Variants in AMPD2 observed in about 807,000 individuals in gnomAD.
The protein encoded by AMPD2 is AMP deaminase 2.
A neutral mutation model predicts 91.3 loss-of-function variants in AMPD2; 52 were observed. The ratio of observed to expected loss-of-function variants is 0.57; its 90% CI spans 0.46 to 0.72. The LOEUF (loss-of-function observed/expected upper bound fraction) is 0.72, where lower values mean the gene tolerates loss of function less well. Among genes scored for constraint, AMPD2 ranks in the 30% least tolerant of loss-of-function variants. AMPD2 has a pLI of 0.00. For missense variants in AMPD2, 822 were observed against 1,122.3 expected, an observed-to-expected ratio of 0.73 and a Z score of 3.82; for synonymous variants, 455 against 456.4, an observed-to-expected ratio of 1.00 and a Z score of 0.04.
rs1650592062 is a variant in AMPD2 at position 109,625,505 on chromosome 1, C to T, written c.222+72C>T. ...TGCCTCTGCTCCCCACACCCCTCAC[C>T]TCAAGCTGTCCCCTCACCTCACGCT... On this transcript the variant is annotated intron_variant, in intron 3 of 18. Transcript: ENST00000528667. This position sits in a 1 kb window ranked among gnomAD's most constrained non-coding sequence, Gnocchi z 4.0. 1.2e-6 allele frequency: 2 copies of T among 1,605,920 alleles called. No homozygotes were observed. Among genetic ancestry groups the T allele is most frequent in the Non-Finnish European group, 8.5e-7 (1 of 1,174,690 alleles).
chr1:109,631,330 C>T lies in AMPD2; in HGVS notation c.*178C>T. On this transcript the variant is annotated 3_prime_UTR_variant, in exon 19 of 19. Transcript: ENST00000528667. ...TGAAAGCAAAGCCTGGGAATCTGCT[C>T]ATTGTTGTTTGGGCTCAGGTATTGA... The T allele has an allele frequency of 1.4e-6, 1 of 694,734 alleles. No homozygotes were observed. Among genetic ancestry groups the T allele is most frequent in the Non-Finnish European group, 2.4e-6 (1 of 408,650 alleles). The allele number at this position is 694,734 out of a possible 1,614,324, so 43.0% of individuals were successfully genotyped here.
In AMPD2 at chr1:109,626,770, G is replaced by C. The variant is rs1173782953; in HGVS notation, c.576G>C (p.Arg192=). ...DLLDAAKSVV[R]ALFIREKYMA... ...TGGATGCAGCCAAGAGTGTGGTGCG[G>C]GCGCTCTTCATCCGGGAGAAGTACA... Residue 192 remains arginine, a synonymous_variant, in exon 7 of 19, where the codon CGG becomes CGC. Coordinates refer to ENST00000528667, the MANE Select transcript of AMPD2 (RefSeq NM_001368809.2). 12 of 1,613,888 alleles carry C rather than the reference G, an allele frequency of 7.4e-6. No individual in the cohort carries two copies. The highest frequency in any genetic ancestry group is 2.7e-5 in the African/African-American group (2 of 74,998).
rs1202427634 is a variant in AMPD2, at chr1:109,627,415, C to A, written c.861-14C>A. 6.2e-7 allele frequency: 1 copy of A among 1,614,080 alleles called. No individual in the cohort carries two copies. The highest frequency in any genetic ancestry group is 2.2e-5 in the East Asian group (1 of 44,880). ...TCGGCTTGCTCTCCTCACCCAAGCT[C>A]CCCTCCATGCCAGTTGCTCAGAGGT... On this transcript the variant is annotated splice_polypyrimidine_tract_variant and intron_variant, in intron 8 of 18. Transcript: ENST00000528667.
At chr1:109,629,730 T>A (rs905563944) in intron 15 of AMPD2, 66 bp from the exon 16 acceptor site, 7 of 1,513,638 alleles carry the variant, frequency 4.6e-6, no homozygotes, top group Non-Finnish European at 6.2e-6. Context: ...TGGGTGGGGG[T>A]CAGGGGCTCC....
At position 109,625,349 on chromosome 1, in the gene AMPD2, C is replaced by T; in HGVS notation, c.138C>T (p.Ser46=). 6.2e-7 allele frequency: 1 copy of T among 1,613,662 alleles called. No individual in the cohort carries two copies. Among genetic ancestry groups the T allele is most frequent in the Non-Finnish European group, 8.5e-7 (1 of 1,179,926 alleles). The change falls in exon 3 of 19, where the codon TCC becomes TCT. Residue 46 remains serine, a synonymous_variant. Coordinates refer to ENST00000528667, the MANE Select transcript of AMPD2 (RefSeq NM_001368809.2). This position sits in a 1 kb window ranked among gnomAD's most constrained non-coding sequence, Gnocchi z 4.0. Reference sequence around the variant, plus strand: ...CCCCTCCGCTGCAGTCTGCCCGATCCCTGCCGGGCCCCGCCCCCTGCCTCA... The same window carrying T: ...CCCCTCCGCTGCAGTCTGCCCGATCTCTGCCGGGCCCCGCCCCCTGCCTCA... ...LGAPPLQSAR[S]LPGPAPCLKH... is the part of the protein sequence containing the mutation.
chr1:109,621,445 G>GC, intron 2 of AMPD2, 179 bp downstream of exon 2: 1 of 638,796 alleles, frequency 1.6e-6, no homozygotes, highest in Non-Finnish European at 2.8e-6. Context: ...GTGGTGGGGG[G>GC]CGGGGGGTGG....
rs759834898 is a variant in AMPD2 at position 109,630,826 on chromosome 1, C to T, written c.2268+33C>T. On this transcript the variant is annotated intron_variant, in intron 18 of 18. Transcript: ENST00000528667. ...AGCGCCTGCCTGGACCTTGGCATGG[C>T]ATCACTCCTCCCCTCCTCTGCATTT... 22 of 1,593,594 alleles carry T rather than the reference C, an allele frequency of 1.4e-5. No individual in the cohort carries two copies. In the South Asian group the frequency reaches 2.1e-4, roughly 16 times the overall value.
rs1650810225 is a variant in AMPD2, at chr1:109,627,513, C to A, written c.945C>A (p.Gly315=). 1 of 1,613,894 alleles carries A rather than the reference C, an allele frequency of 6.2e-7. No homozygotes were observed. The change falls in exon 9 of 19, where the codon GGC becomes GGA. Residue 315 remains glycine, a synonymous_variant. Coordinates refer to ENST00000528667, the MANE Select transcript of AMPD2 (RefSeq NM_001368809.2). ...TGCTGATGGCCCTGATTATCAATGG[C>A]CCCATGTGAGTCCCCTGCCATCCCA... ...VNVLMALIIN[G]PIKSFCYRRL... is the part of the protein sequence containing the mutation.
At position 109,628,146 on chromosome 1, in the gene AMPD2, C is replaced by T. The variant is rs376430770; in HGVS notation, c.1144C>T (p.Arg382Trp). 8 of 1,614,094 alleles carry T rather than the reference C, an allele frequency of 5.0e-6. No homozygotes were observed. The highest frequency in any genetic ancestry group is 6.8e-6 in the Non-Finnish European group (8 of 1,180,042). Residue 382 changes from arginine to tryptophan, a missense_variant, in exon 11 of 19, where the codon CGG (arginine) becomes TGG (tryptophan). Transcript: ENST00000528667. This position sits in a 1 kb window ranked among gnomAD's most constrained non-coding sequence, Gnocchi z 7.1. ...GAAGCATCTGCTGCGCTTCATCAAG[C>T]GGGCAATGAAGCGGCACCTGGAGGA... ...NQKHLLRFIK[R>W]AMKRHLEEIV...
rs1449032783 is a variant in AMPD2, at chr1:109,624,396, C to T, written c.92-907C>T. On this transcript the variant is annotated intron_variant, in intron 2 of 18. Coordinates refer to ENST00000528667, the MANE Select transcript of AMPD2 (RefSeq NM_001368809.2). This position sits in a 1 kb window ranked among gnomAD's most constrained non-coding sequence, Gnocchi z 5.2. ...CTTCGGGGTAGGCTGGAAGCCTTGG[C>T]AGCCCCCATAGACCAGCAGCTTCAC... Among the ~76,000 whole-genome samples, 1 of 152,206 alleles carries T rather than the reference C, an allele frequency of 6.6e-6. No individual in the cohort carries two copies. The highest frequency in any genetic ancestry group is 1.5e-5 in the Non-Finnish European group (1 of 68,036).
chr1:109,626,649 G>T (rs1271875848), intron 6 of AMPD2, 77 bp from the exon 7 acceptor site: 9 of 1,535,558 alleles, frequency 5.9e-6, no homozygotes, highest in Non-Finnish European at 6.2e-6. Context: ...GGATAGTTTG[G>T]GTTCTAAGAT....
At chr1:109,621,382 G>A (rs1179684835) in intron 2 of AMPD2, 116 bp downstream of exon 2, 1 of 1,214,744 alleles carries the variant, frequency 8.2e-7, no homozygotes, top group East Asian at 2.6e-5. Flanking sequence ...CTCTGTGGTG[G>A]TGCCCCTCAA....
chr1:109,631,077 G>C lies in AMPD2; in HGVS notation c.2403G>C (p.Thr801=), dbSNP rs373514741. The C allele has an allele frequency of 7.4e-6, 12 of 1,613,108 alleles. 1 individual carries two copies. The highest frequency in any genetic ancestry group is 6.6e-5 in the South Asian group (6 of 90,832). The change falls in exon 19 of 19, where the codon ACG becomes ACC. Residue 801 remains threonine, a synonymous_variant. Coordinates refer to ENST00000528667, the MANE Select transcript of AMPD2 (RefSeq NM_001368809.2). ...ETLCQELALI[T]QAVQSEMLET... ...TGTGCCAGGAGCTGGCGCTCATCACGCAGGCAGTCCAGAGTGAGATGCTGG... is the reference window on the plus strand; with the variant it reads ...TGTGCCAGGAGCTGGCGCTCATCACCCAGGCAGTCCAGAGTGAGATGCTGG...
intron 1 of AMPD2, chr1:109,620,588 G>T: frequency 8.1e-7 from 1 of 1,232,064 alleles, no homozygotes; most frequent in Non-Finnish European, 1.0e-6. Flanking sequence ...TGGGATTCTC[G>T]GTTCTTCCCC....
chr1:109,625,261 C>A lies in AMPD2; in HGVS notation c.92-42C>A, dbSNP rs773900900. On this transcript the variant is annotated intron_variant, in intron 2 of 18. Transcript: ENST00000528667. This position sits in a 1 kb window ranked among gnomAD's most constrained non-coding sequence, Gnocchi z 4.0. ...GGCAGGGGCCCAGGGCTTTCAGGGG[C>A]TGCCCCTCCACCCTTTGACCCTGGC... is the stretch of plus-strand genomic sequence containing the variant. 1.1e-5 allele frequency: 18 copies of A among 1,601,442 alleles called. No individual in the cohort carries two copies. The highest frequency in any genetic ancestry group is 1.7e-5 in the Admixed American group (1 of 59,376).
rs745431152 is a variant in AMPD2 at position 109,626,473 on chromosome 1, T to TA, written c.531+47dup. The TA allele has an allele frequency of 2.0e-6, 3 of 1,521,188 alleles. No homozygotes were observed. In the African/African-American group the frequency reaches 4.2e-5, roughly 21 times the overall value. 94.2% of individuals were successfully genotyped at this position (1,521,188 alleles called of 1,614,324 possible). ...GGGTGAGTCGCCATCACCTATGTCT[T>TA]AGTGGGTTCCCCCAGCCTGGAGAGC... On this transcript the variant is annotated intron_variant, in intron 6 of 18. Transcript: ENST00000528667.
At position 109,628,838 on chromosome 1, in the gene AMPD2, C is replaced by T. The variant is rs112687813; in HGVS notation, c.1571+32C>T. 4,709 of 1,542,306 alleles carry T rather than the reference C, an allele frequency of 3.1e-3. 111 individuals are homozygous for T. The African/African-American group carries it at 0.054, about 18-fold the overall frequency. On this transcript the variant is annotated intron_variant, in intron 13 of 18. Coordinates refer to ENST00000528667, the MANE Select transcript of AMPD2 (RefSeq NM_001368809.2). This position sits in a 1 kb window ranked among gnomAD's most constrained non-coding sequence, Gnocchi z 7.1. ...GTCCCTGGAGTGGGAGGGGAACCTG[C>T]GGGGTCATATTCAAGGGGTCAGGGC...
rs767362652 is a variant in AMPD2 at position 109,629,407 on chromosome 1, G to A, written c.1779G>A (p.Ala593=). 23 of 1,613,962 alleles carry A rather than the reference G, an allele frequency of 1.4e-5. No individual in the cohort carries two copies. In the Admixed American group the frequency reaches 3.0e-4, roughly 21 times the overall value. Reference sequence around the variant, plus strand: ...ACCTGGAGAGCCCCCTGCCTGAGGCGTGGGTGGAGGAGGACAACCCACCCT... The same window carrying A: ...ACCTGGAGAGCCCCCTGCCTGAGGCATGGGTGGAGGAGGACAACCCACCCT... ...VFNLESPLPE[A]WVEEDNPPYA... The change falls in exon 15 of 19, where the codon GCG becomes GCA. Residue 593 remains alanine (A), a synonymous_variant. Coordinates refer to ENST00000528667, the MANE Select transcript of AMPD2 (RefSeq NM_001368809.2).
intron 2 of AMPD2, among the ~76,000 whole-genome samples, chr1:109,622,570 A>C (rs1650350155): frequency 6.6e-6 from 1 of 152,116 alleles, no homozygotes; most frequent in South Asian, 2.1e-4. Flanking sequence ...CCCTAGAGAA[A>C]GGACCAGTAG....
Sources: gnomAD v4.1 joint callset for allele counts (sites outside exome capture counted in the v4.1 genomes callset) on GRCh38, gnomAD v4.1.1 for gene constraint, Gnocchi (gnomAD v3.1) non-coding constraint, MANE v1.5 for transcripts, NCBI Gene and HGNC (gene_info 2026-07-23, HGNC 2026-07-21) for gene names.